Variants in LARGE1 observed in about 807,000 individuals in gnomAD.
LARGE1 encodes LARGE xylosyl- and glucuronyltransferase 1, also known as xylosyl- and glucuronyltransferase LARGE1.
In LARGE1, 43 loss-of-function variants were observed where a neutral mutation model predicts 87.6. The observed-to-expected ratio is 0.49, with a 90% CI of 0.38 to 0.63. The LOEUF (loss-of-function observed/expected upper bound fraction) is 0.63. Ranked by LOEUF, LARGE1 falls within the 30% of genes least tolerant of loss-of-function variation. The pLI, the probability that LARGE1 is intolerant of heterozygous loss-of-function variation, is 0.00. For missense variants in LARGE1, 802 were observed against 1,000.2 expected, an observed-to-expected ratio of 0.80 and a Z score of 2.67; for synonymous variants, 434 against 394.6, an observed-to-expected ratio of 1.10 and a Z score of -1.18.
At chr22:33,430,056 G>A (rs2067022833) in intron 7 of LARGE1, among the ~76,000 whole-genome samples, 1 of 152,186 alleles carries the variant, frequency 6.6e-6, no homozygotes, top group South Asian at 2.1e-4. Context: ...GACTCTTGAA[G>A]GGCAGAGCCC....
intron 4 of LARGE1, among the ~76,000 whole-genome samples, chr22:33,608,515 A>G (rs562121980): frequency 5.9e-5 from 9 of 152,294 alleles, no homozygotes; most frequent in African/African-American, 1.9e-4. Context: ...TGTGATACGT[A>G]TTTAAACTGC....
At chr22:33,775,562 G>T (rs2085206901) in intron 1 of LARGE1, among the ~76,000 whole-genome samples, 1 of 152,098 alleles carries the variant, frequency 6.6e-6, no homozygotes, top group Non-Finnish European at 1.5e-5. Context: ...TATTAAGACT[G>T]GGGGGTTGGC....
At chr22:33,645,946 T>C (rs1569338433) in intron 3 of LARGE1, among the ~76,000 whole-genome samples, 1 of 152,124 alleles carries the variant, frequency 6.6e-6, no homozygotes, top group Non-Finnish European at 1.5e-5. Context: ...AAATAACAGA[T>C]GCTGGAAAGG....
chr22:33,327,810 TG>T (rs1601462167), intron 10 of LARGE1, among the ~76,000 whole-genome samples: 2 of 152,194 alleles, frequency 1.3e-5, no homozygotes, highest in Admixed American at 6.5e-5. Flanking sequence ...CTCAAAGTGC[TG>T]GGATTACAGG....
chr22:33,321,741 A>G (rs16992140), intron 10 of LARGE1, among the ~76,000 whole-genome samples: 7,383 of 152,242 alleles, frequency 0.048, 325 homozygotes, highest in African/African-American at 0.13. Context: ...GCTGGTCCTC[A>G]CCATGTGAAA....
intron 6 of LARGE1, among the ~76,000 whole-genome samples, chr22:33,441,153 C>T (rs2067461124): frequency 7.2e-6 from 1 of 139,270 alleles, no homozygotes; most frequent in African/African-American, 2.8e-5. Flanking sequence ...TGGCTCACTG[C>T]AACCTCCACT....
intron 9 of LARGE1, among the ~76,000 whole-genome samples, chr22:33,347,152 T>C (rs1473469174): frequency 2.0e-5 from 3 of 152,248 alleles, no homozygotes; most frequent in Non-Finnish European, 4.4e-5. Flanking sequence ...ATTCTCATTG[T>C]AAGCATTCCT....
Position 33,274,639 on chromosome 22 carries a change from G to C in LARGE1, c.2074-15C>G, listed in dbSNP as rs1928830149. ...AACTCATACTCCTGGAAGAAGACAA[G>C]AGCAGCGTGAGAACCCGCAAGAGCC... is the stretch of plus-strand genomic sequence containing the variant. On this transcript the variant is annotated splice_polypyrimidine_tract_variant and intron_variant, in intron 14 of 14. Transcript: ENST00000397394. The C allele has an allele frequency of 6.2e-7, 1 of 1,612,936 alleles. No homozygotes were observed. The highest frequency in any genetic ancestry group is 1.3e-5 in the African/African-American group (1 of 74,880).
chr22:33,283,869 AAAG>A (rs973563742), intron 12 of LARGE1, among the ~76,000 whole-genome samples: 4 of 151,922 alleles, frequency 2.6e-5, no homozygotes, highest in African/African-American at 7.2e-5. Flanking sequence ...AAGAAAGAAA[AAAG>A]AAGGAAAAGA....
At chr22:33,568,463 C>A (rs1384223766) in intron 5 of LARGE1, among the ~76,000 whole-genome samples, 1 of 152,110 alleles carries the variant, frequency 6.6e-6, no homozygotes, top group African/African-American at 2.4e-5. Flanking sequence ...TGAACAACAA[C>A]AAAATCAAAG....
intron 6 of LARGE1, among the ~76,000 whole-genome samples, chr22:33,518,252 G>A (rs1184066330): frequency 6.6e-6 from 1 of 152,212 alleles, no homozygotes; most frequent in Non-Finnish European, 1.5e-5. Context: ...TCATCCCTAT[G>A]TGAGAAAATT....
intron 1 of LARGE1, among the ~76,000 whole-genome samples, chr22:33,831,622 TTCC>T (rs1291303871): frequency 6.6e-6 from 1 of 152,048 alleles, no homozygotes; most frequent in Admixed American, 6.5e-5. Context: ...TGGAAAAGTA[TTCC>T]TAAGTTTTTA....
intron 9 of LARGE1, among the ~76,000 whole-genome samples, chr22:33,349,913 A>G (rs1013724373): frequency 6.6e-6 from 1 of 152,224 alleles, no homozygotes; most frequent in Non-Finnish European, 1.5e-5. Flanking sequence ...GGGGAAGAAA[A>G]GAGACCCAAC....
intron 9 of LARGE1, among the ~76,000 whole-genome samples, chr22:33,356,546 C>T (rs1018555190): frequency 2.0e-5 from 3 of 152,082 alleles, no homozygotes; most frequent in African/African-American, 4.8e-5. Context: ...CTGAGGTGGG[C>T]GGATCACTTG....
In LARGE1 at chr22:33,392,673, C is replaced by G. The variant is rs561173209; in HGVS notation, c.893-8369G>C. Among the ~76,000 whole-genome samples, 3 of 152,118 alleles carry G rather than the reference C, an allele frequency of 2.0e-5. No homozygotes were observed. The East Asian group carries it at 5.8e-4, about 29-fold the overall frequency. On this transcript the variant is annotated intron_variant, in intron 7 of 14. Transcript: ENST00000397394. Reference sequence around the variant, plus strand: ...GACTCTGTCTTAAAAACAACAACAACAACAACAAAAGCAAGAAAAATGGCA... The same window carrying G: ...GACTCTGTCTTAAAAACAACAACAAGAACAACAAAAGCAAGAAAAATGGCA...
At chr22:33,906,365 T>G (rs1013961831) in intron 1 of LARGE1, among the ~76,000 whole-genome samples, 2 of 152,172 alleles carry the variant, frequency 1.3e-5, no homozygotes, top group African/African-American at 4.8e-5. Flanking sequence ...TATGTATATT[T>G]CCAGTATTAG....
chr22:33,299,403 C>T (rs1160579458), intron 12 of LARGE1, among the ~76,000 whole-genome samples: 1 of 152,146 alleles, frequency 6.6e-6, no homozygotes, highest in Non-Finnish European at 1.5e-5. Flanking sequence ...AGCAACATCA[C>T]CTACAATGTA....
chr22:33,407,682 G>A (rs2066150320), intron 7 of LARGE1, among the ~76,000 whole-genome samples: 1 of 12,496 alleles, frequency 8.0e-5, no homozygotes, highest in Non-Finnish European at 1.3e-4. Flanking sequence ...ACTGGTGCAG[G>A]CAAGATCCTA....
intron 1 of LARGE1, among the ~76,000 whole-genome samples, chr22:33,803,511 C>T (rs2086225323): frequency 6.6e-6 from 1 of 152,158 alleles, no homozygotes; most frequent in African/African-American, 2.4e-5. Flanking sequence ...AGGTGAGGTT[C>T]AACAATTCAC....
Sources: gnomAD v4.1 joint callset for allele counts (sites outside exome capture counted in the v4.1 genomes callset) on GRCh38, gnomAD v4.1.1 for gene constraint, MANE v1.5 for transcripts, NCBI Gene and HGNC (gene_info 2026-07-23, HGNC 2026-07-21) for gene names.